POPDC1: variants seen among roughly 807,000 people sequenced by gnomAD.
The protein encoded by POPDC1 is popeye domain-containing protein 1.
the POPDC1 span, among the ~76,000 whole-genome samples, chr6:105,104,869 A>G: frequency 6.6e-6 from 1 of 152,112 alleles, no homozygotes; most frequent in South Asian, 2.1e-4. Flanking sequence ...AAAAGGAATC[A>G]CACCCAGTCT....
chr6:105,104,350 T>C, the POPDC1 span, among the ~76,000 whole-genome samples: 1 of 152,170 alleles, frequency 6.6e-6, no homozygotes, highest in East Asian at 1.9e-4. Flanking sequence ...CTCTTCCTTA[T>C]TAGAAAACAG....
At chr6:105,108,484 G>C in the POPDC1 span, among the ~76,000 whole-genome samples, 2 of 152,154 alleles carry the variant, frequency 1.3e-5, no homozygotes, top group Non-Finnish European at 2.9e-5. Flanking sequence ...ACCACTCAGA[G>C]ACTTGAAGAA....
the POPDC1 span, among the ~76,000 whole-genome samples, chr6:105,127,373 T>A: frequency 6.6e-6 from 1 of 152,158 alleles, no homozygotes. Context: ...CTACCTCCTC[T>A]ACTCCAAAGC....
the POPDC1 span, chr6:105,124,495 G>A: frequency 8.0e-7 from 1 of 1,254,896 alleles, no homozygotes; most frequent in Non-Finnish European, 1.2e-6. Flanking sequence ...TTTGGATTCT[G>A]AATGAGATGC....
the POPDC1 span, among the ~76,000 whole-genome samples, chr6:105,128,721 C>T: frequency 6.6e-6 from 1 of 151,908 alleles, no homozygotes; most frequent in Non-Finnish European, 1.5e-5. Flanking sequence ...AAATCTGGCC[C>T]CAAACATAAG....
At chr6:105,111,758 T>G in the POPDC1 span, among the ~76,000 whole-genome samples, 1 of 152,120 alleles carries the variant, frequency 6.6e-6, no homozygotes, top group East Asian at 1.9e-4. Flanking sequence ...AAAAGCAGAG[T>G]ACAACATGAG....
the POPDC1 span, among the ~76,000 whole-genome samples, chr6:105,107,175 GTTTTTAAC>G: frequency 6.6e-6 from 1 of 151,324 alleles, no homozygotes; most frequent in Non-Finnish European, 1.5e-5. Context: ...AGTTCTTTTA[GTTTTTAAC>G]TTCTACAAAT....
At chr6:105,136,157 C>G in the POPDC1 span, 9 of 152,244 alleles carry the variant, frequency 5.9e-5, no homozygotes, top group Non-Finnish European at 4.4e-5. Context: ...TTCTGTAATT[C>G]TAACTGAATC....
At chr6:105,112,449 T>C in the POPDC1 span, among the ~76,000 whole-genome samples, 1 of 149,506 alleles carries the variant, frequency 6.7e-6, no homozygotes, top group South Asian at 2.2e-4. Context: ...ATAAGGTATA[T>C]TTAATTTGGT....
At chr6:105,122,800 T>C in the POPDC1 span, among the ~76,000 whole-genome samples, 1 of 152,182 alleles carries the variant, frequency 6.6e-6, no homozygotes, top group Non-Finnish European at 1.5e-5. Context: ...AAGCTGACCC[T>C]CACAACAAGG....
At chr6:105,104,595 G>A in the POPDC1 span, among the ~76,000 whole-genome samples, 137,256 of 152,180 alleles carry the variant, frequency 0.9, 62,337 homozygotes, top group Non-Finnish European at 0.96. Flanking sequence ...TTCCTCAAGC[G>A]CAGGCAGGCC....
At chr6:105,119,211 G>A in the POPDC1 span, among the ~76,000 whole-genome samples, 6 of 150,078 alleles carry the variant, frequency 4.0e-5, no homozygotes, top group Non-Finnish European at 8.9e-5. Flanking sequence ...AAAAGTAGTG[G>A]TAAAGTGAGC....
chr6:105,114,197 T>C, the POPDC1 span, among the ~76,000 whole-genome samples: 1 of 152,228 alleles, frequency 6.6e-6, no homozygotes, highest in African/African-American at 2.4e-5. Flanking sequence ...ATAAACTGTT[T>C]AATTGCTTCT....
At chr6:105,126,779 AC>A in the POPDC1 span, among the ~76,000 whole-genome samples, 10 of 152,310 alleles carry the variant, frequency 6.6e-5, no homozygotes, top group Non-Finnish European at 1.2e-4. Context: ...ATATAGAAAA[AC>A]AAATATGCAC....
chr6:105,132,938 CACA>C, the POPDC1 span, among the ~76,000 whole-genome samples: 21 of 152,278 alleles, frequency 1.4e-4, no homozygotes, highest in African/African-American at 4.8e-4. Flanking sequence ...ACATTTAATT[CACA>C]ACAACTTTGG....
the POPDC1 span, among the ~76,000 whole-genome samples, chr6:105,106,796 A>AC: frequency 6.6e-6 from 1 of 151,186 alleles, no homozygotes; most frequent in Non-Finnish European, 1.5e-5. Flanking sequence ...AGGCCTTAAA[A>AC]ACCTTTTTTT....
At chr6:105,133,450 A>C in the POPDC1 span, 1 of 1,613,964 alleles carries the variant, frequency 6.2e-7, no homozygotes, top group Non-Finnish European at 8.5e-7. Flanking sequence ...ATGAAAAACC[A>C]GATGATGTAT....
At chr6:105,136,080 C>A in the POPDC1 span, 1 of 152,172 alleles carries the variant, frequency 6.6e-6, no homozygotes, top group Non-Finnish European at 1.5e-5. Flanking sequence ...TAACATTAAA[C>A]CTCTACCAAA....
the POPDC1 span, chr6:105,117,016 C>G: frequency 1.3e-6 from 1 of 785,264 alleles, no homozygotes; most frequent in Non-Finnish European, 2.0e-6. Flanking sequence ...TCAATGCACA[C>G]AAGCTTCTAC....
Sources: allele counts gnomAD v4.1 joint callset (sites outside exome capture counted in the v4.1 genomes callset), GRCh38; gene constraint gnomAD v4.1.1; transcripts MANE v1.5; gene names NCBI Gene and HGNC (gene_info 2026-07-23, HGNC 2026-07-21).